The following KIAA0753 variants were observed in gnomAD, a reference collection of about 807,000 sequenced individuals.
KIAA0753 encodes protein moonraker.
KIAA0753 carries 114 observed loss-of-function variants against 116.9 expected under a neutral mutation model. The ratio of observed to expected loss-of-function variants is 0.98; its 90% CI spans 0.84 to 1.14. The LOEUF (loss-of-function observed/expected upper bound fraction) is 1.14, where lower values mean the gene tolerates loss of function less well. Among genes scored for constraint, KIAA0753 ranks in the 50% most tolerant of loss-of-function variants. The pLI, the probability that KIAA0753 is intolerant of heterozygous loss-of-function variation, is 0.00. For missense variants in KIAA0753, 1,156 were observed against 1,172.4 expected (o/e 0.99, Z 0.20); for synonymous variants, 405 against 413.1 (o/e 0.98, Z 0.24).
At chr17:6,635,258 T>A in intron 1 of KIAA0753, 87 bp from the exon 2 acceptor site, 1 of 565,660 alleles carries the variant, frequency 1.8e-6, no homozygotes, top group Non-Finnish European at 3.2e-6. Context: ...CATGTAGCAA[T>A]ATACTAGAAG....
intron 6 of KIAA0753, among the ~76,000 whole-genome samples, chr17:6,621,844 A>G (rs1283761184): frequency 1.3e-5 from 2 of 152,238 alleles, no homozygotes; most frequent in African/African-American, 4.8e-5. Context: ...TTAAAAAAGC[A>G]TCACATGACT....
chr17:6,633,786 C>CA (rs1160567932), intron 2 of KIAA0753, among the ~76,000 whole-genome samples: 9 of 151,798 alleles, frequency 5.9e-5, no homozygotes. Flanking sequence ...GTCTTAACAC[C>CA]AAAAAAATAT....
intron 18 of KIAA0753, among the ~76,000 whole-genome samples, chr17:6,582,294 C>T (rs1289006012): frequency 3.3e-5 from 5 of 152,190 alleles, no homozygotes; most frequent in African/African-American, 1.2e-4. Flanking sequence ...AGTCAACATA[C>T]TGTGTTCAAA....
chr17:6,585,478 CT>C (rs1376309027), intron 18 of KIAA0753, among the ~76,000 whole-genome samples: 1 of 152,098 alleles, frequency 6.6e-6, no homozygotes, highest in Non-Finnish European at 1.5e-5. Context: ...CTCCTTTTTC[CT>C]TTTTCCCACA....
At chr17:6,613,373 T>G (rs960357090) in intron 7 of KIAA0753, among the ~76,000 whole-genome samples, 10 of 152,216 alleles carry the variant, frequency 6.6e-5, no homozygotes, top group African/African-American at 2.4e-4. Flanking sequence ...AAGTGCATAT[T>G]CAATTAAAGC....
At position 6,586,585 on chromosome 17, in the gene KIAA0753, G is replaced by A. The variant is rs1968596648; in HGVS notation, c.2786+3194C>T. Among the ~76,000 whole-genome samples, 3 of 152,170 alleles carry A rather than the reference G, an allele frequency of 2.0e-5. No homozygotes were observed. The South Asian group carries it at 6.2e-4, about 32-fold the overall frequency. On this transcript the variant is annotated intron_variant, in intron 18 of 18. Coordinates refer to ENST00000361413, the MANE Select transcript of KIAA0753 (RefSeq NM_014804.3). Reference sequence around the variant, plus strand: ...TTCATTCTTGTAGTGACATATAGTGGGATAGAGATATAGGAAGTAAAGAGA... The same window carrying A: ...TTCATTCTTGTAGTGACATATAGTGAGATAGAGATATAGGAAGTAAAGAGA...
At chr17:6,603,365 C>T (rs1008065785) in intron 12 of KIAA0753, among the ~76,000 whole-genome samples, 2 of 152,132 alleles carry the variant, frequency 1.3e-5, no homozygotes, top group African/African-American at 4.8e-5. Flanking sequence ...TGAAAACACA[C>T]CCACAATAAG....
intron 4 of KIAA0753, 101 bp from the exon 5 acceptor site, chr17:6,623,672 A>C (rs1971474103): frequency 2.1e-6 from 3 of 1,435,474 alleles, no homozygotes; most frequent in Non-Finnish European, 2.7e-6. Flanking sequence ...AAATATAACC[A>C]TTATTAATTC....
chr17:6,595,578 C>T (rs374643865), intron 15 of KIAA0753, among the ~76,000 whole-genome samples: 7 of 152,226 alleles, frequency 4.6e-5, no homozygotes, highest in South Asian at 2.1e-4. Flanking sequence ...GAAAAGAAAA[C>T]GCTGAATTGA....
rs1183257929 is a variant in KIAA0753, at chr17:6,628,718, A to G, written c.117T>C (p.Asn39=). 6.2e-7 allele frequency: 1 copy of G among 1,601,706 alleles called. No homozygotes were observed. Among genetic ancestry groups the G allele is most frequent in the Admixed American group, 1.7e-5 (1 of 57,632 alleles). The change falls in exon 3 of 19, where the codon AAT becomes AAC. Residue 39 remains asparagine, a synonymous_variant. Transcript: ENST00000361413. ...CCAAGTTGCTTGAATGTGTAGGAAC[A>G]TTCCTATTAAACTGCAGCTGGTTCT... is the stretch of plus-strand genomic sequence containing the variant. ...QTQNQLQFNR[N]VPTHSSNLAI...
intron 8 of KIAA0753, 96 bp downstream of exon 8, chr17:6,611,823 A>G (rs1328320749): frequency 1.1e-6 from 1 of 931,884 alleles, no homozygotes; most frequent in Non-Finnish European, 1.7e-6. Context: ...GCAGCATCCA[A>G]TTGCCTGAGA....
chr17:6,584,430 T>C (rs185059922), intron 18 of KIAA0753, among the ~76,000 whole-genome samples: 180 of 152,348 alleles, frequency 1.2e-3, no homozygotes, highest in African/African-American at 3.4e-3. Flanking sequence ...GCAGAAGTGA[T>C]TGCCTCGTTT....
chr17:6,618,090 G>A (rs187313326), intron 7 of KIAA0753, among the ~76,000 whole-genome samples: 106 of 151,988 alleles, frequency 7.0e-4, no homozygotes, highest in Admixed American at 2.1e-3. Context: ...CAACGAGAGC[G>A]AGACTCGGTC....
intron 3 of KIAA0753, among the ~76,000 whole-genome samples, chr17:6,626,532 G>A (rs1251717721): frequency 6.6e-6 from 1 of 152,076 alleles, no homozygotes; most frequent in African/African-American, 2.4e-5. Flanking sequence ...ACGGGCTTAG[G>A]TGGGGGGTTT....
In KIAA0753 at chr17:6,639,276, C is replaced by G. The variant is rs1479626814; in HGVS notation, c.-69+1361G>C. The G allele has an allele frequency of 6.6e-6, 1 of 152,314 alleles. No homozygotes were observed. The highest frequency in any genetic ancestry group is 1.5e-5 in the Non-Finnish European group (1 of 68,396). 9.4% of individuals were successfully genotyped at this position (152,314 alleles called of 1,614,324 possible). A position where few individuals can be genotyped will look rare whatever the true frequency, so the allele number is the denominator to read the frequency against. On this transcript the variant is annotated intron_variant, in intron 1 of 18. Transcript: ENST00000361413. This position sits in a 1 kb window ranked among gnomAD's most constrained non-coding sequence, Gnocchi z 4.3. Reference sequence around the variant, plus strand: ...CATGTGTCAGAGCCCCAGGAATCTGCGGGGACTGTCCTCTCCCCCACAGAC... The same window carrying G: ...CATGTGTCAGAGCCCCAGGAATCTGGGGGGACTGTCCTCTCCCCCACAGAC...
intron 2 of KIAA0753, among the ~76,000 whole-genome samples, chr17:6,630,407 A>T (rs150675272): frequency 6.6e-6 from 1 of 152,166 alleles, no homozygotes; most frequent in East Asian, 1.9e-4. Context: ...CATAATTCTT[A>T]TGGAGGGGAA....
At chr17:6,629,239 A>C (rs77343957) in intron 2 of KIAA0753, among the ~76,000 whole-genome samples, 5,776 of 152,328 alleles carry the variant, frequency 0.038, 182 homozygotes, top group Non-Finnish European at 0.054. Flanking sequence ...ATCTCACTTG[A>C]AACAGTCCGC....
chr17:6,606,802 G>T, intron 12 of KIAA0753, 71 bp downstream of exon 12: 1 of 1,260,126 alleles, frequency 7.9e-7, no homozygotes, highest in Non-Finnish European at 1.2e-6. Context: ...GTCCAGGTTG[G>T]TTGCTAGAAC....
At chr17:6,626,803 A>G (rs986946998) in intron 3 of KIAA0753, among the ~76,000 whole-genome samples, 2 of 152,198 alleles carry the variant, frequency 1.3e-5, no homozygotes, top group Middle Eastern at 3.2e-3. Flanking sequence ...ATTCATGTAA[A>G]TAAAATAAAC....
Sources: gnomAD v4.1 joint callset for allele counts (sites outside exome capture counted in the v4.1 genomes callset) on GRCh38, gnomAD v4.1.1 for gene constraint, Gnocchi (gnomAD v3.1) non-coding constraint, MANE v1.5 for transcripts, NCBI Gene and HGNC (gene_info 2026-07-23, HGNC 2026-07-21) for gene names.